The following ZFYVE21 variants were observed in gnomAD, a reference collection of about 807,000 sequenced individuals.
ZFYVE21 encodes zinc finger FYVE-type containing 21, also known as zinc finger FYVE domain-containing protein 21.
ZFYVE21 carries 21 observed loss-of-function variants against 29.5 expected under a neutral mutation model. That is an observed-to-expected ratio of 0.71 (90% CI 0.50 to 1.02). ZFYVE21 has a LOEUF of 1.02. ZFYVE21 is among the 50% of genes least tolerant of loss of function. The probability of loss-of-function intolerance (pLI) is 0.00; values close to 1 mark genes in which losing one functional copy is unlikely to be tolerated. For synonymous variants in ZFYVE21, 151 were observed against 133.8 expected, an observed-to-expected ratio of 1.13 and a Z score of -0.89; for missense variants, 326 against 335.4, an observed-to-expected ratio of 0.97 and a Z score of 0.22.
intron 5 of ZFYVE21, chr14:103,729,657 C>CG: frequency 1.8e-6 from 2 of 1,114,394 alleles, no homozygotes; most frequent in Non-Finnish European, 2.5e-6. Context: ...ACTCTGCTGA[C>CG]GGGGAGCTCG....
At position 103,721,570 on chromosome 14, in the gene ZFYVE21, C is replaced by T. The variant is rs2083872933; in HGVS notation, c.139-5222C>T. ...GCTCCTGGAGAGCACTTGGGCCCCGCCGTCCATCCTAGGGGGCAGTGTCTG... is the reference window on the plus strand; with the variant it reads ...GCTCCTGGAGAGCACTTGGGCCCCGTCGTCCATCCTAGGGGGCAGTGTCTG... On this transcript the variant is annotated intron_variant, in intron 1 of 6. Transcript: ENST00000311141. Among the ~76,000 whole-genome samples the T allele has an allele frequency of 2.6e-5, 4 of 152,312 alleles. No individual in the cohort carries two copies. The South Asian group carries it at 8.3e-4, about 32-fold the overall frequency.
At chr14:103,731,580 C>G (rs1337289088) in intron 5 of ZFYVE21, 1 of 152,274 alleles carries the variant, frequency 6.6e-6, no homozygotes, top group African/African-American at 2.4e-5. Flanking sequence ...GCTCTCTAGC[C>G]TGGGCAACAA....
chr14:103,717,505 C>T (rs927930403), intron 1 of ZFYVE21, among the ~76,000 whole-genome samples: 1 of 152,170 alleles, frequency 6.6e-6, no homozygotes, highest in Non-Finnish European at 1.5e-5. Flanking sequence ...CACTGTGTTC[C>T]CCTCCTTCAT....
At chr14:103,719,319 G>C (rs2083853769) in intron 1 of ZFYVE21, among the ~76,000 whole-genome samples, 1 of 152,022 alleles carries the variant, frequency 6.6e-6, no homozygotes, top group Non-Finnish European at 1.5e-5. Context: ...AATTAGTCGG[G>C]CGTGGTGGTG....
At chr14:103,728,183 T>G in intron 3 of ZFYVE21, 1 of 361,826 alleles carries the variant, frequency 2.8e-6, no homozygotes, top group Admixed American at 4.5e-5. Context: ...AGGCAGCACC[T>G]TCCTCCTTCC....
Position 103,729,821 on chromosome 14 carries a change from C to T in ZFYVE21, c.526+639C>T, listed in dbSNP as rs1008020444. The T allele has an allele frequency of 5.2e-6, 8 of 1,536,240 alleles. 1 individual carries two copies. The South Asian group carries it at 8.3e-5, about 16-fold the overall frequency. ...AAGACATTCACGCTTACACCAGCCT[C>T]CGGGGGAGCCAGCCTGCCTCTGAAG... On this transcript the variant is annotated intron_variant, in intron 5 of 6. Transcript: ENST00000311141.
chr14:103,731,681 GTCGGTGGGC>G (rs1409430179), intron 5 of ZFYVE21: 2 of 152,252 alleles, frequency 1.3e-5, no homozygotes, highest in Non-Finnish European at 1.5e-5. Flanking sequence ...TCCAAGCACG[GTCGGTGGGC>G]CTCCGACTGC....
chr14:103,721,918 T>G (rs555576106), intron 1 of ZFYVE21, among the ~76,000 whole-genome samples: 1 of 152,368 alleles, frequency 6.6e-6, no homozygotes. Flanking sequence ...ACGCAGAGGC[T>G]GGCATTCCAG....
chr14:103,727,461 G>A (rs2083938562), intron 2 of ZFYVE21: 1 of 535,996 alleles, frequency 1.9e-6, no homozygotes, highest in South Asian at 1.5e-5. Flanking sequence ...GCCCCGAGGC[G>A]CGAGGGCGTC....
chr14:103,726,530 C>A (rs563921455), intron 1 of ZFYVE21: 1 of 468,976 alleles, frequency 2.1e-6, no homozygotes, highest in South Asian at 2.6e-5. Flanking sequence ...GACAGTCAAA[C>A]CCCAAGCCCA....
chr14:103,721,184 G>A (rs906436660), intron 1 of ZFYVE21, among the ~76,000 whole-genome samples: 1 of 152,158 alleles, frequency 6.6e-6, no homozygotes, highest in Non-Finnish European at 1.5e-5. Flanking sequence ...CCTAGTTTAT[G>A]GCATCTGCCT....
intron 5 of ZFYVE21, chr14:103,731,939 T>C (rs2083980496): frequency 6.6e-6 from 1 of 152,268 alleles, no homozygotes; most frequent in Non-Finnish European, 1.5e-5. Context: ...AATTGAGTCA[T>C]TGTCACTGGA....
chr14:103,731,867 C>T (rs1384224419), intron 5 of ZFYVE21: 1 of 152,224 alleles, frequency 6.6e-6, no homozygotes, highest in African/African-American at 2.4e-5. Flanking sequence ...GGGTCTCTTT[C>T]AACACCAGCC....
chr14:103,715,931 C>T lies in ZFYVE21; in HGVS notation c.90C>T (p.Phe30=), dbSNP rs1260045844. The T allele has an allele frequency of 3.5e-6, 5 of 1,430,802 alleles. No individual in the cohort carries two copies. In the South Asian group the frequency reaches 4.0e-5, roughly 11 times the overall value. 88.6% of individuals were successfully genotyped at this position (1,430,802 alleles called of 1,614,324 possible). A position where few individuals can be genotyped will look rare whatever the true frequency, so the allele number is the denominator to read the frequency against. Residue 30 remains phenylalanine, a synonymous_variant, in exon 1 of 7, where the codon TTC becomes TTT. Transcript: ENST00000311141. ...GCATGGTGCCCGAACACCGCGCCTT[C>T]GGAAGCCCGTTCGGCCTGGAGGAGC... ...GLRMVPEHRA[F]GSPFGLEEPQ...
At chr14:103,727,485 C>G (rs1361665852) in intron 2 of ZFYVE21, 40 of 610,056 alleles carry the variant, frequency 6.6e-5, no homozygotes, top group Non-Finnish European at 1.2e-4. Flanking sequence ...AGCAGTGGGA[C>G]TTGGGTAGTT....
intron 1 of ZFYVE21, among the ~76,000 whole-genome samples, chr14:103,718,328 C>T (rs2083845136): frequency 6.6e-6 from 1 of 152,222 alleles, no homozygotes; most frequent in Non-Finnish European, 1.5e-5. Flanking sequence ...AGCTGCCTGA[C>T]CGGGCTGGTT....
In ZFYVE21 at chr14:103,716,580, A is replaced by G. The variant is rs940593662; in HGVS notation, c.138+601A>G. Among the ~76,000 whole-genome samples the G allele has an allele frequency of 9.9e-5, 15 of 152,146 alleles. No homozygotes were observed. The highest frequency in any genetic ancestry group is 3.6e-4 in the African/African-American group (15 of 41,438). On this transcript the variant is annotated intron_variant, in intron 1 of 6. Transcript: ENST00000311141. This position sits in a 1 kb window ranked among gnomAD's most constrained non-coding sequence, Gnocchi z 4.8. The stretch of plus-strand genomic sequence containing the variant: ...GGCTGCCCCCCGTTTCCCTTCGTCT[A>G]TACCACCCTCCACCTCGGAAGCGAG...
chr14:103,728,454 G>A, intron 3 of ZFYVE21, among the ~76,000 whole-genome samples: 1 of 152,184 alleles, frequency 6.6e-6, no homozygotes, highest in East Asian at 1.9e-4. Flanking sequence ...GCCCGCCGTG[G>A]GGTCTGGGAC....
Position 103,733,192 on chromosome 14 carries a change from C to G in ZFYVE21, c.*174C>G. The G allele has an allele frequency of 3.9e-6, 3 of 764,350 alleles. No individual in the cohort carries two copies. The highest frequency in any genetic ancestry group is 2.1e-6 in the Non-Finnish European group (1 of 474,288). 47.3% of individuals were successfully genotyped at this position (764,350 alleles called of 1,614,324 possible). A position where few individuals can be genotyped will look rare whatever the true frequency, so the allele number is the denominator to read the frequency against. On this transcript the variant is annotated 3_prime_UTR_variant, in exon 7 of 7. Transcript: ENST00000311141. Reference sequence around the variant, plus strand: ...TCACTTATCTAGTGCAATATGTTCACAGTTTATTAATGCTTTAAACAGCTT... The same window carrying G: ...TCACTTATCTAGTGCAATATGTTCAGAGTTTATTAATGCTTTAAACAGCTT...
Sources: gnomAD v4.1 joint callset for allele counts (sites outside exome capture counted in the v4.1 genomes callset) on GRCh38, gnomAD v4.1.1 for gene constraint, Gnocchi (gnomAD v3.1) non-coding constraint, MANE v1.5 for transcripts, NCBI Gene and HGNC (gene_info 2026-07-23, HGNC 2026-07-21) for gene names.